The following ZFPM2 variants were observed in gnomAD, a reference collection of about 807,000 sequenced individuals.
ZFPM2 encodes zinc finger protein, FOG family member 2, also known as zinc finger protein ZFPM2.
In ZFPM2, 20 loss-of-function variants were observed where a neutral mutation model predicts 98.6. The observed-to-expected ratio is 0.20, with a 90% CI of 0.14 to 0.29. The LOEUF is 0.29. Ranked by LOEUF, ZFPM2 falls within the 10% of genes least tolerant of loss-of-function variation. ZFPM2 has a pLI of 1.00. For synonymous variants in ZFPM2, 518 were observed against 502.7 expected (o/e 1.03, Z -0.41); for missense variants, 1,310 against 1,388.6 (o/e 0.94, Z 0.90).
At chr8:105,755,073 T>A (rs1296281561) in intron 5 of ZFPM2, among the ~76,000 whole-genome samples, 1 of 152,092 alleles carries the variant, frequency 6.6e-6, no homozygotes, top group Non-Finnish European at 1.5e-5. Context: ...TTCAGGAAGT[T>A]ATTTAGTTGA....
At chr8:105,775,706 A>G (rs1867041) in intron 5 of ZFPM2, among the ~76,000 whole-genome samples, 3,200 of 152,164 alleles carry the variant, frequency 0.021, 115 homozygotes, top group African/African-American at 0.073. Flanking sequence ...ATTTAAAATC[A>G]TGTTGGTCAG....
intron 3 of ZFPM2, among the ~76,000 whole-genome samples, chr8:105,504,636 T>C (rs538489495): frequency 1.7e-4 from 26 of 152,338 alleles, no homozygotes; most frequent in African/African-American, 5.5e-4. Flanking sequence ...CAATAAGGAA[T>C]GTTGTGAAAA....
chr8:105,700,011 G>C (rs1282400564), intron 5 of ZFPM2, among the ~76,000 whole-genome samples: 1 of 152,112 alleles, frequency 6.6e-6, no homozygotes, highest in Non-Finnish European at 1.5e-5. Context: ...GTATGATTTT[G>C]CCTACTGTGT....
chr8:105,516,803 C>T (rs761905999), intron 3 of ZFPM2, among the ~76,000 whole-genome samples: 2 of 152,134 alleles, frequency 1.3e-5, no homozygotes, highest in Non-Finnish European at 2.9e-5. Flanking sequence ...TGTCCAGCAC[C>T]GTTCCAGAGT....
intron 3 of ZFPM2, among the ~76,000 whole-genome samples, chr8:105,532,936 C>G (rs1165088147): frequency 6.6e-6 from 1 of 152,012 alleles, no homozygotes; most frequent in Non-Finnish European, 1.5e-5. Context: ...GTGAGTGCAC[C>G]TGGGGTGGCA....
intron 5 of ZFPM2, among the ~76,000 whole-genome samples, chr8:105,785,653 C>G (rs1345106501): frequency 6.6e-6 from 1 of 151,966 alleles, no homozygotes. Flanking sequence ...CCTGCAATCC[C>G]AGCACTTTGG....
At chr8:105,497,003 A>G (rs1344475502) in intron 3 of ZFPM2, among the ~76,000 whole-genome samples, 1 of 141,384 alleles carries the variant, frequency 7.1e-6, no homozygotes, top group Non-Finnish European at 1.5e-5. Context: ...AAAAAAAAAA[A>G]AGAGATGAGT....
At chr8:105,654,441 G>T (rs1379956749) in intron 5 of ZFPM2, among the ~76,000 whole-genome samples, 2 of 152,188 alleles carry the variant, frequency 1.3e-5, no homozygotes, top group Non-Finnish European at 2.9e-5. Context: ...AATCCAGTTT[G>T]ATCATGGTGG....
intron 5 of ZFPM2, among the ~76,000 whole-genome samples, chr8:105,659,733 A>C (rs898730564): frequency 1.3e-5 from 2 of 152,184 alleles, no homozygotes; most frequent in Non-Finnish European, 2.9e-5. Context: ...TTATAGAATT[A>C]TGTTTTTTAT....
intron 5 of ZFPM2, among the ~76,000 whole-genome samples, chr8:105,705,373 C>T (rs1446514845): frequency 6.6e-6 from 1 of 152,084 alleles, no homozygotes; most frequent in Non-Finnish European, 1.5e-5. Context: ...TTCATATTTT[C>T]ATTACAGGAC....
intron 3 of ZFPM2, among the ~76,000 whole-genome samples, chr8:105,476,643 T>G (rs1813017761): frequency 6.6e-6 from 1 of 152,220 alleles, no homozygotes; most frequent in Non-Finnish European, 1.5e-5. Context: ...ATGAGAACCT[T>G]GTCTATCTTG....
intron 5 of ZFPM2, among the ~76,000 whole-genome samples, chr8:105,726,048 G>A (rs990959081): frequency 2.0e-5 from 3 of 151,698 alleles, no homozygotes; most frequent in African/African-American, 7.3e-5. Flanking sequence ...TTTTAAGTAT[G>A]CAAATCTCCT....
At chr8:105,369,325 A>G (rs111973773) in intron 1 of ZFPM2, among the ~76,000 whole-genome samples, 1,792 of 152,276 alleles carry the variant, frequency 0.012, 30 homozygotes, top group African/African-American at 0.041. Context: ...AAGCATATCT[A>G]ATATTGTAAG....
At chr8:105,722,120 A>G (rs1161638465) in intron 5 of ZFPM2, among the ~76,000 whole-genome samples, 1 of 151,754 alleles carries the variant, frequency 6.6e-6, no homozygotes, top group Non-Finnish European at 1.5e-5. Flanking sequence ...GGCTAATATT[A>G]TATTAATGGA....
intron 1 of ZFPM2, among the ~76,000 whole-genome samples, chr8:105,334,118 CTGTGTGTGTGTGTGTGTGTG>C (rs71305145): frequency 8.3e-6 from 1 of 120,402 alleles, no homozygotes; most frequent in Non-Finnish European, 1.7e-5. Context: ...TAGTAATAAA[CTGTGTGTGTGTGTGTGTGTG>C]TGTGTGTGTG....
chr8:105,489,757 C>T (rs1586410629), intron 3 of ZFPM2, among the ~76,000 whole-genome samples: 1 of 151,760 alleles, frequency 6.6e-6, no homozygotes, highest in South Asian at 2.1e-4. Context: ...AGCCACTGTG[C>T]CTGACCCAAA....
intron 3 of ZFPM2, among the ~76,000 whole-genome samples, chr8:105,510,242 C>T (rs1813788673): frequency 1.3e-5 from 2 of 152,228 alleles, no homozygotes; most frequent in Admixed American, 6.5e-5. Flanking sequence ...GCCAAGTCAC[C>T]TCACTCCCTA....
chr8:105,359,115 G>A (rs1812804968), intron 1 of ZFPM2, among the ~76,000 whole-genome samples: 1 of 152,052 alleles, frequency 6.6e-6, no homozygotes, highest in African/African-American at 2.4e-5. Flanking sequence ...GGATCATGGG[G>A]GCAATTTTCC....
At chr8:105,638,936 ACC>A (rs1816899800) in intron 5 of ZFPM2, among the ~76,000 whole-genome samples, 1 of 152,014 alleles carries the variant, frequency 6.6e-6, no homozygotes, top group African/African-American at 2.4e-5. Flanking sequence ...TGCCTCACCT[ACC>A]CCTTGTCATT....
Sources: gnomAD v4.1 joint callset for allele counts (sites outside exome capture counted in the v4.1 genomes callset) on GRCh38, gnomAD v4.1.1 for gene constraint, MANE v1.5 for transcripts, NCBI Gene and HGNC (gene_info 2026-07-23, HGNC 2026-07-21) for gene names.